Variants in TRIM9 observed in about 807,000 individuals in gnomAD.
TRIM9 encodes the protein tripartite motif containing 9.
Under a neutral mutation model 78.3 loss-of-function variants are expected in TRIM9, and 26 were observed. That is an observed-to-expected ratio of 0.33 (90% CI 0.24 to 0.46). TRIM9 has a LOEUF of 0.46. Among genes scored for constraint, TRIM9 ranks in the 20% least tolerant of loss-of-function variants. The probability of loss-of-function intolerance (pLI) is 1.00; values close to 1 mark genes in which losing one functional copy is unlikely to be tolerated. For missense variants in TRIM9, 787 were observed against 1,036.4 expected (o/e 0.76, Z 3.30); for synonymous variants, 398 against 416.5 (o/e 0.96, Z 0.54).
At chr14:51,080,287 T>A (rs1169420252) in intron 1 of TRIM9, among the ~76,000 whole-genome samples, 2 of 152,018 alleles carry the variant, frequency 1.3e-5, no homozygotes, top group African/African-American at 4.8e-5. Context: ...TATAGACATA[T>A]ATAACTTCCC....
chr14:50,995,977 G>T (rs966981437), intron 7 of TRIM9: 1 of 396,594 alleles, frequency 2.5e-6, no homozygotes, highest in Non-Finnish European at 3.4e-6. Flanking sequence ...TTTAAAATAA[G>T]CTATTCACTA....
chr14:51,048,914 G>C (rs1486354015), intron 1 of TRIM9, among the ~76,000 whole-genome samples: 1 of 151,432 alleles, frequency 6.6e-6, no homozygotes, highest in Middle Eastern at 3.4e-3. Context: ...AACCCAGGAG[G>C]CGGTGCTTGC....
At chr14:50,997,077 G>T (rs1024699323) in intron 7 of TRIM9, 2 of 985,290 alleles carry the variant, frequency 2.0e-6, no homozygotes, top group African/African-American at 3.5e-5. Flanking sequence ...TCTGCAGAGG[G>T]AAGTTATGGA....
At chr14:51,061,507 A>T (rs1192952734) in intron 1 of TRIM9, among the ~76,000 whole-genome samples, 1 of 151,074 alleles carries the variant, frequency 6.6e-6, no homozygotes, top group Non-Finnish European at 1.5e-5. Context: ...ATTTTTTCCT[A>T]GTCTGTATCT....
At chr14:51,089,272 T>C (rs1426047783) in intron 1 of TRIM9, 2 of 152,258 alleles carry the variant, frequency 1.3e-5, no homozygotes, top group Non-Finnish European at 2.9e-5. Context: ...TATAACTATT[T>C]GATTCTTAAA....
At chr14:51,027,834 T>C (rs2058390895) in intron 1 of TRIM9, among the ~76,000 whole-genome samples, 1 of 123,820 alleles carries the variant, frequency 8.1e-6, no homozygotes, top group Non-Finnish European at 1.7e-5. Context: ...TTAGAACTCA[T>C]ATCTTTTTTT....
chr14:50,999,650 T>C (rs978263113), intron 6 of TRIM9, among the ~76,000 whole-genome samples: 2 of 152,122 alleles, frequency 1.3e-5, no homozygotes, highest in African/African-American at 4.8e-5. Context: ...GGTTTGGCTA[T>C]TGGTGACCAG....
chr14:51,059,901 C>T (rs1287674880), intron 1 of TRIM9, among the ~76,000 whole-genome samples: 1 of 152,148 alleles, frequency 6.6e-6, no homozygotes. Context: ...AGTGAAACTT[C>T]TTTAGAATAT....
chr14:51,008,702 C>G (rs998331411), intron 5 of TRIM9, among the ~76,000 whole-genome samples: 1 of 152,212 alleles, frequency 6.6e-6, no homozygotes, highest in Non-Finnish European at 1.5e-5. Context: ...CTATCTCTAT[C>G]CATGTGGAAG....
intron 1 of TRIM9, among the ~76,000 whole-genome samples, chr14:51,032,507 C>A (rs1466833075): frequency 6.6e-6 from 1 of 152,208 alleles, no homozygotes; most frequent in African/African-American, 2.4e-5. Context: ...GGCTGGGGCC[C>A]CCTTGCTTCA....
At chr14:51,005,532 A>G (rs1007572181) in intron 5 of TRIM9, among the ~76,000 whole-genome samples, 13 of 152,304 alleles carry the variant, frequency 8.5e-5, no homozygotes, top group African/African-American at 2.6e-4. Flanking sequence ...GGGAGGAAGT[A>G]GGTATCTGAA....
chr14:51,006,281 T>G (rs2055787364), intron 5 of TRIM9, among the ~76,000 whole-genome samples: 1 of 152,260 alleles, frequency 6.6e-6, no homozygotes. Context: ...CTCCAAATGC[T>G]ACTTCTTTCT....
rs758291706 is a variant in TRIM9, at chr14:50,981,906, T to A, written c.2056A>T (p.Met686Leu). Residue 686 changes from methionine (M) to leucine (L), a missense_variant, in exon 11 of 13, where the codon ATG (methionine) becomes TTG (leucine). Met to Leu is a conservative substitution (Grantham distance 15, BLOSUM62 2). Coordinates refer to ENST00000684578, the MANE Select transcript of TRIM9 (RefSeq NM_001387360.1). ...HPDPAFGVAR[M>L]DVMKDVMLGK... is the part of the protein sequence containing the mutation. The stretch of plus-strand genomic sequence containing the variant: ...AACATCACATCCTTCATCACGTCCA[T>A]GCGAGCCACACCAAAGGCAGGATCA... 1 of 1,614,132 alleles carries A rather than the reference T, an allele frequency of 6.2e-7. No individual in the cohort carries two copies. Among genetic ancestry groups the A allele is most frequent in the South Asian group, 1.1e-5 (1 of 91,078 alleles).
intron 1 of TRIM9, among the ~76,000 whole-genome samples, chr14:51,053,093 G>C (rs2060563325): frequency 6.6e-6 from 1 of 151,412 alleles, no homozygotes; most frequent in Admixed American, 6.6e-5. Context: ...CCAGGAGGTG[G>C]AGGTTACAGT....
At chr14:51,047,435 T>A (rs2060036280) in intron 1 of TRIM9, among the ~76,000 whole-genome samples, 1 of 152,140 alleles carries the variant, frequency 6.6e-6, no homozygotes, top group Non-Finnish European at 1.5e-5. Context: ...TTTTGAGGAA[T>A]GAACACAGAG....
At chr14:51,010,248 T>G (rs1451684052) in intron 4 of TRIM9, 136 bp downstream of exon 4, 2 of 632,604 alleles carry the variant, frequency 3.2e-6, no homozygotes, top group South Asian at 2.0e-5. Flanking sequence ...TACTTCCATG[T>G]ACACTGCAGT....
chr14:51,073,377 A>G (rs1448360319), intron 1 of TRIM9, among the ~76,000 whole-genome samples: 1 of 152,248 alleles, frequency 6.6e-6, no homozygotes, highest in Non-Finnish European at 1.5e-5. Context: ...TACTCTTAGT[A>G]GCTCAAACCT....
At chr14:51,008,159 C>T (rs966706942) in intron 5 of TRIM9, among the ~76,000 whole-genome samples, 1 of 152,014 alleles carries the variant, frequency 6.6e-6, no homozygotes, top group African/African-American at 2.4e-5. Flanking sequence ...GAGGGGAGGG[C>T]TATGACTTTA....
chr14:51,070,473 A>T (rs1310187228), intron 1 of TRIM9, among the ~76,000 whole-genome samples: 1 of 151,732 alleles, frequency 6.6e-6, no homozygotes, highest in African/African-American at 2.4e-5. Context: ...CAGGTTGAGT[A>T]TTCATTATCT....
Sources: allele counts gnomAD v4.1 joint callset (sites outside exome capture counted in the v4.1 genomes callset), GRCh38; gene constraint gnomAD v4.1.1; transcripts MANE v1.5; gene names NCBI Gene and HGNC (gene_info 2026-07-23, HGNC 2026-07-21).